The following DCLK1 variants were observed in gnomAD, a reference collection of about 807,000 sequenced individuals.
DCLK1 encodes serine/threonine-protein kinase DCLK1.
DCLK1 carries 16 observed loss-of-function variants against 86.2 expected under a neutral mutation model. The observed-to-expected ratio is 0.19, with a 90% CI of 0.13 to 0.28. The LOEUF is 0.28. DCLK1 is among the 10% of genes least tolerant of loss of function. DCLK1 has a pLI of 1.00. For missense variants in DCLK1, 590 were observed against 940.2 expected (o/e 0.63, Z 4.87); for synonymous variants, 369 against 370.5 (o/e 1.00, Z 0.05).
At chr13:35,906,834 A>G (rs1433291102) in intron 4 of DCLK1, among the ~76,000 whole-genome samples, 1 of 152,206 alleles carries the variant, frequency 6.6e-6, no homozygotes, top group Non-Finnish European at 1.5e-5. Context: ...ATTGGGATAC[A>G]GAGTGTGAAA....
chr13:36,027,256 G>A (rs1882079929), intron 3 of DCLK1, among the ~76,000 whole-genome samples: 1 of 152,104 alleles, frequency 6.6e-6, no homozygotes, highest in African/African-American at 2.4e-5. Flanking sequence ...TTCTCATAAG[G>A]AGCACTCAAC....
chr13:36,082,386 A>G (rs1884449912), intron 3 of DCLK1, among the ~76,000 whole-genome samples: 1 of 152,182 alleles, frequency 6.6e-6, no homozygotes, highest in Non-Finnish European at 1.5e-5. Flanking sequence ...ATGTTAATTG[A>G]CTGCTTATGT....
intron 6 of DCLK1, among the ~76,000 whole-genome samples, chr13:35,841,452 G>A (rs1368097467): frequency 6.6e-6 from 1 of 151,804 alleles, no homozygotes; most frequent in Non-Finnish European, 1.5e-5. Context: ...CTGAATGCTT[G>A]TCACAATGCC....
intron 3 of DCLK1, among the ~76,000 whole-genome samples, chr13:35,973,821 A>G (rs1418739149): frequency 6.6e-6 from 1 of 152,124 alleles, no homozygotes; most frequent in Non-Finnish European, 1.5e-5. Flanking sequence ...AGGAAGAGGG[A>G]GCAGGGGCTG....
intron 3 of DCLK1, among the ~76,000 whole-genome samples, chr13:36,078,394 G>A (rs1884291063): frequency 6.6e-6 from 1 of 152,184 alleles, no homozygotes; most frequent in Non-Finnish European, 1.5e-5. Flanking sequence ...TAATGCTCAT[G>A]GAGTCAAAGT....
chr13:35,771,844 A>T lies in DCLK1; in HGVS notation c.*2691T>A, dbSNP rs2086338883. 1 of 152,244 alleles carries T rather than the reference A, an allele frequency of 6.6e-6. No homozygotes were observed. The highest frequency in any genetic ancestry group is 1.5e-5 in the Non-Finnish European group (1 of 68,034). 9.4% of individuals were successfully genotyped at this position (152,244 alleles called of 1,614,324 possible). The stretch of plus-strand genomic sequence containing the variant: ...TGTTCTATGATAAGTGAAATCAAAA[A>T]TAAGATCAATTTGGTTATAGAAATT... On this transcript the variant is annotated 3_prime_UTR_variant, in exon 17 of 17. Transcript: ENST00000360631.
At chr13:36,111,718 G>A in intron 3 of DCLK1, 151 bp downstream of exon 3, 3 of 588,090 alleles carry the variant, frequency 5.1e-6, no homozygotes, top group Non-Finnish European at 8.6e-6. Context: ...TCAAACTTCT[G>A]ACTGTTCTAG....
chr13:36,038,308 C>T (rs918495161), intron 3 of DCLK1, among the ~76,000 whole-genome samples: 6 of 152,104 alleles, frequency 3.9e-5, no homozygotes, highest in Admixed American at 2.0e-4. Flanking sequence ...TTTTAAGGCC[C>T]GGAGATGGTT....
At chr13:35,873,586 A>T (rs1033015369) in intron 4 of DCLK1, among the ~76,000 whole-genome samples, 4 of 151,828 alleles carry the variant, frequency 2.6e-5, no homozygotes, top group Non-Finnish European at 5.9e-5. Context: ...GGGTTTCATC[A>T]TGTTGGCCAG....
intron 4 of DCLK1, among the ~76,000 whole-genome samples, chr13:35,880,799 C>T (rs148556839): frequency 2.1e-4 from 32 of 152,122 alleles, no homozygotes; most frequent in African/African-American, 7.5e-4. Context: ...TGAAGCTTCA[C>T]CAAATCTTGA....
chr13:35,946,843 C>CT (rs1877412108), intron 4 of DCLK1, among the ~76,000 whole-genome samples: 1 of 152,086 alleles, frequency 6.6e-6, no homozygotes, highest in Non-Finnish European at 1.5e-5. Context: ...CAGAGTAGCA[C>CT]ATTTAGTTTG....
At chr13:35,884,886 C>T (rs912923806) in intron 4 of DCLK1, among the ~76,000 whole-genome samples, 6 of 152,110 alleles carry the variant, frequency 3.9e-5, no homozygotes, top group Non-Finnish European at 5.9e-5. Flanking sequence ...TAATAGGGTC[C>T]ATTCTTATTC....
intron 3 of DCLK1, among the ~76,000 whole-genome samples, chr13:36,051,848 A>T (rs1215667326): frequency 6.6e-6 from 1 of 152,158 alleles, no homozygotes; most frequent in Admixed American, 6.6e-5. Context: ...TTTCCTTATT[A>T]TAGTGATAGC....
chr13:36,024,078 T>G (rs1455737768), intron 3 of DCLK1, among the ~76,000 whole-genome samples: 1 of 151,946 alleles, frequency 6.6e-6, no homozygotes, highest in East Asian at 1.9e-4. Context: ...GTATTTTTAG[T>G]AGAGGCGGGG....
chr13:36,025,898 G>A (rs1269186909), intron 3 of DCLK1, among the ~76,000 whole-genome samples: 2 of 151,868 alleles, frequency 1.3e-5, no homozygotes, highest in African/African-American at 4.8e-5. Context: ...ATTGCAAAGT[G>A]CTCTAACTGC....
In DCLK1 at chr13:35,822,761, C is replaced by T. The variant is rs775609349; in HGVS notation, c.1522G>A (p.Val508Ile). ...AIKYLHSLNI[V>I]HRDIKPENLL... ...TTCTCTGGCTTGATATCACGGTGGA[C>T]GATGTTCAGGCTATGCAGGTATTTG... The change falls in exon 11 of 17, where the codon GTC becomes ATC. Residue 508 changes from valine (V) to isoleucine (I), a missense_variant. Val to Ile is a conservative substitution (Grantham distance 29, BLOSUM62 3). This residue lies in a region of DCLK1 where 108 missense variants were observed against 195.7 expected (regional missense o/e 0.55). Coordinates refer to ENST00000360631, the MANE Select transcript of DCLK1 (RefSeq NM_001330071.2). 12 of 1,613,586 alleles carry T rather than the reference C, an allele frequency of 7.4e-6. No individual in the cohort carries two copies. Among genetic ancestry groups the T allele is most frequent in the East Asian group, 2.2e-5 (1 of 44,864 alleles).
chr13:35,838,177 T>C (rs1180739640), intron 7 of DCLK1, among the ~76,000 whole-genome samples: 4 of 152,210 alleles, frequency 2.6e-5, no homozygotes, highest in African/African-American at 7.2e-5. Flanking sequence ...CAAATGAGAC[T>C]TCTATGTGGC....
At chr13:35,884,465 T>C (rs2153117328) in intron 4 of DCLK1, among the ~76,000 whole-genome samples, 1 of 151,938 alleles carries the variant, frequency 6.6e-6, no homozygotes, top group African/African-American at 2.4e-5. Context: ...AAACAAGAAA[T>C]AGATAAATTA....
At chr13:36,105,843 G>C (rs1196268829) in intron 3 of DCLK1, among the ~76,000 whole-genome samples, 5 of 152,112 alleles carry the variant, frequency 3.3e-5, no homozygotes, top group Non-Finnish European at 7.3e-5. Flanking sequence ...TGACTGACCA[G>C]CTGACTTTAA....
Sources: gnomAD v4.1 joint callset for allele counts (sites outside exome capture counted in the v4.1 genomes callset) on GRCh38, gnomAD v4.1.1 for gene constraint, gnomAD v4.1.1 regional missense constraint, MANE v1.5 for transcripts, NCBI Gene and HGNC (gene_info 2026-07-23, HGNC 2026-07-21) for gene names.